IMPG1: variants seen among roughly 807,000 people sequenced by gnomAD.
The protein encoded by IMPG1 is interphotoreceptor matrix proteoglycan 1, also known as interphotoreceptor matrix proteoglycan of 150 kDa.
In IMPG1, 85 loss-of-function variants were observed where a neutral mutation model predicts 92.0. The observed-to-expected ratio is 0.92, with a 90% CI of 0.78 to 1.11. The LOEUF is 1.11. Ranked by LOEUF, IMPG1 falls within the 50% of genes least tolerant of loss-of-function variation. The pLI, the probability that IMPG1 is intolerant of heterozygous loss-of-function variation, is 0.00. For missense variants in IMPG1, 1,022 were observed against 956.0 expected (o/e 1.07, Z -0.91); for synonymous variants, 367 against 334.1 (o/e 1.10, Z -1.08).
At chr6:76,037,921 G>T (rs1332221374) in intron 2 of IMPG1, among the ~76,000 whole-genome samples, 4 of 152,142 alleles carry the variant, frequency 2.6e-5, no homozygotes, top group African/African-American at 9.7e-5. Flanking sequence ...TGTTGCTTTT[G>T]GTCTCCGATT....
At chr6:76,023,878 A>T (rs1783477715) in intron 5 of IMPG1, among the ~76,000 whole-genome samples, 1 of 152,204 alleles carries the variant, frequency 6.6e-6, no homozygotes, top group Admixed American at 6.5e-5. Context: ...TAAAGTAGAA[A>T]TACAAATTTC....
At chr6:76,071,942 C>T (rs758008722) in intron 1 of IMPG1, among the ~76,000 whole-genome samples, 1 of 152,000 alleles carries the variant, frequency 6.6e-6, no homozygotes, top group Non-Finnish European at 1.5e-5. Context: ...TCATCATGAA[C>T]CCTGAAGATG....
At chr6:75,944,653 T>A (rs1160201392) in intron 14 of IMPG1, among the ~76,000 whole-genome samples, 4 of 152,242 alleles carry the variant, frequency 2.6e-5, no homozygotes, top group African/African-American at 4.8e-5. Flanking sequence ...TCCAGGTATC[T>A]GGTAAGGAAT....
At chr6:75,975,092 C>A (rs768036589) in intron 12 of IMPG1, among the ~76,000 whole-genome samples, 13 of 152,196 alleles carry the variant, frequency 8.5e-5, no homozygotes, top group Non-Finnish European at 8.8e-5. Flanking sequence ...CATATATGCT[C>A]CCTGAAGGCA....
chr6:75,989,188 A>T (rs1423057172), intron 12 of IMPG1, among the ~76,000 whole-genome samples: 1 of 152,154 alleles, frequency 6.6e-6, no homozygotes, highest in African/African-American at 2.4e-5. Flanking sequence ...TCCTGGGCTC[A>T]AGCGATCCTC....
At chr6:75,924,179 CTGTAGGTTCCTAAAGAAATT>C (rs796844476) in intron 15 of IMPG1, among the ~76,000 whole-genome samples, 46 of 151,498 alleles carry the variant, frequency 3.0e-4, no homozygotes, top group African/African-American at 1.0e-3. Context: ...GGAAAACCAT[CTGTAGGTTCCTAAAGAAATT>C]AAAAATAGGA....
At position 76,002,959 on chromosome 6, in the gene IMPG1, G is replaced by A; in HGVS notation, c.1250C>T (p.Pro417Leu). The change falls in exon 12 of 17, where the codon CCC (proline) becomes CTC (leucine). Residue 417 changes from proline to leucine, a missense_variant. By Grantham distance (98) the Pro-to-Leu change is moderately conservative (BLOSUM62 -3). This residue lies in a region of IMPG1 where 681 missense variants were observed against 583.6 expected (regional missense o/e 1.17). Transcript: ENST00000369950. The part of the protein sequence containing the change: ...TLSPELPPVE[P>L]QLETVDGAEH... The stretch of plus-strand genomic sequence containing the variant: ...TGCTCCGTCCACTGTCTCAAGCTGG[G>A]GTTCAACAGGAGGAAGTTCTGGACT... The A allele has an allele frequency of 6.2e-7, 1 of 1,613,676 alleles. No homozygotes were observed. Among genetic ancestry groups the A allele is most frequent in the Non-Finnish European group, 8.5e-7 (1 of 1,179,744 alleles).
chr6:76,040,909 A>ACATCACAG (rs1377734174), intron 2 of IMPG1, among the ~76,000 whole-genome samples: 2 of 152,202 alleles, frequency 1.3e-5, no homozygotes, highest in Admixed American at 1.3e-4. Flanking sequence ...AGTGTACAAC[A>ACATCACAG]CATCACAGGC....
chr6:76,058,075 A>G (rs115171966), intron 1 of IMPG1, among the ~76,000 whole-genome samples: 10 of 152,220 alleles, frequency 6.6e-5, no homozygotes, highest in African/African-American at 2.4e-4. Flanking sequence ...GTGAGTCCCT[A>G]GCATATTTTG....
At position 75,922,137 on chromosome 6, in the gene IMPG1, C is replaced by T. The variant is rs1182803438; in HGVS notation, c.2346G>A (p.Leu782=). The T allele has an allele frequency of 5.0e-6, 7 of 1,413,408 alleles. No individual in the cohort carries two copies. In the East Asian group the frequency reaches 1.4e-4, roughly 28 times the overall value. The allele number at this position is 1,413,408 out of a possible 1,614,324, so 87.6% of individuals were successfully genotyped here. Reference sequence around the variant, plus strand: ...GGTTAAATTCTTCATATTCTACGGTCAGTAATTCAGAATTTCTTTTACTGA... The same window carrying T: ...GGTTAAATTCTTCATATTCTACGGTTAGTAATTCAGAATTTCTTTTACTGA... ...KVISKRNSEL[L]TVEYEEFNHQ... Residue 782 remains leucine (L), a synonymous_variant, in exon 17 of 17, where the codon CTG becomes CTA. Coordinates refer to ENST00000369950, the MANE Select transcript of IMPG1 (RefSeq NM_001563.4).
At chr6:75,947,267 A>T (rs1781941772) in intron 14 of IMPG1, 47 bp downstream of exon 14, 1 of 1,475,724 alleles carries the variant, frequency 6.8e-7, no homozygotes, top group Non-Finnish European at 9.4e-7. Context: ...CGAAATTAAA[A>T]AAATGAACAA....
intron 12 of IMPG1, among the ~76,000 whole-genome samples, chr6:75,977,629 T>C (rs1272831876): frequency 1.3e-5 from 2 of 150,656 alleles, no homozygotes; most frequent in African/African-American, 4.9e-5. Context: ...AAAACAAGCA[T>C]ACATTTTATT....
At chr6:75,980,525 T>A (rs1363842311) in intron 12 of IMPG1, among the ~76,000 whole-genome samples, 1 of 152,182 alleles carries the variant, frequency 6.6e-6, no homozygotes, top group East Asian at 1.9e-4. Context: ...ATCCAAAAAC[T>A]GCCAGCGTGG....
intron 1 of IMPG1, among the ~76,000 whole-genome samples, chr6:76,071,125 A>T (rs1162599255): frequency 6.7e-6 from 1 of 148,570 alleles, no homozygotes; most frequent in Non-Finnish European, 1.5e-5. Context: ...AATTATATGT[A>T]TATGTAATAC....
At chr6:76,049,554 A>T (rs530609489) in intron 1 of IMPG1, among the ~76,000 whole-genome samples, 1 of 152,312 alleles carries the variant, frequency 6.6e-6, no homozygotes, top group African/African-American at 2.4e-5. Flanking sequence ...ATGTGTGGAT[A>T]TGACACTTCA....
intron 4 of IMPG1, among the ~76,000 whole-genome samples, chr6:76,030,579 G>A (rs944587332): frequency 6.6e-6 from 1 of 152,086 alleles, no homozygotes; most frequent in African/African-American, 2.4e-5. Flanking sequence ...CCTTAAACTG[G>A]TTGTCTTAGG....
chr6:76,011,683 C>T (rs1783187321), intron 7 of IMPG1, among the ~76,000 whole-genome samples: 1 of 151,070 alleles, frequency 6.6e-6, no homozygotes, highest in South Asian at 2.1e-4. Flanking sequence ...GCGCTGCACC[C>T]ACTAACTCGT....
At chr6:76,017,090 G>A (rs914017344) in intron 7 of IMPG1, among the ~76,000 whole-genome samples, 1 of 151,664 alleles carries the variant, frequency 6.6e-6, no homozygotes, top group Non-Finnish European at 1.5e-5. Context: ...AGAGCAGACA[G>A]CACATGTAAA....
chr6:76,007,270 C>A (rs564111958), intron 9 of IMPG1, among the ~76,000 whole-genome samples: 8 of 152,062 alleles, frequency 5.3e-5, no homozygotes, highest in Non-Finnish European at 5.9e-5. Context: ...GAAATATTTA[C>A]CTGTATCCCA....
Sources: gnomAD v4.1 joint callset for allele counts (sites outside exome capture counted in the v4.1 genomes callset) on GRCh38, gnomAD v4.1.1 for gene constraint, gnomAD v4.1.1 regional missense constraint, MANE v1.5 for transcripts, NCBI Gene and HGNC (gene_info 2026-07-23, HGNC 2026-07-21) for gene names.